Variants in SHISA6 observed in about 807,000 individuals in gnomAD.
The protein encoded by SHISA6 is shisa family member 6.
In SHISA6, 22 loss-of-function variants were observed where a neutral mutation model predicts 47.9. The observed-to-expected ratio is 0.46, with a 90% CI of 0.33 to 0.66. The LOEUF is 0.66. SHISA6 is among the 30% of genes least tolerant of loss of function. SHISA6 has a pLI of 0.02. For missense variants in SHISA6, 680 were observed against 764.6 expected (o/e 0.89, Z 1.30); for synonymous variants, 388 against 337.8 (o/e 1.15, Z -1.63).
In SHISA6 at chr17:11,532,501, G is replaced by A. The variant is rs138921627; in HGVS notation, c.896-19395G>A. Among the ~76,000 whole-genome samples, 69 of 152,292 alleles carry A rather than the reference G, an allele frequency of 4.5e-4. No individual in the cohort carries two copies. In the East Asian group the frequency reaches 0.011, roughly 24 times the overall value. ...TGCGCGCGCGTGTGTGTGTGTGCGC[G>A]CACGCGCGTATGTGTGTAAATGCCT... On this transcript the variant is annotated intron_variant, in intron 3 of 5. Coordinates refer to ENST00000441885, the MANE Select transcript of SHISA6 (RefSeq NM_207386.4).
intron 2 of SHISA6, among the ~76,000 whole-genome samples, chr17:11,358,330 T>G (rs936074692): frequency 2.0e-5 from 3 of 152,132 alleles, no homozygotes; most frequent in Non-Finnish European, 4.4e-5. Flanking sequence ...AGTAATGCCA[T>G]TAAGTTTCAT....
chr17:11,374,661 C>A (rs1214845362), intron 2 of SHISA6, among the ~76,000 whole-genome samples: 2 of 151,824 alleles, frequency 1.3e-5, no homozygotes, highest in African/African-American at 2.4e-5. Flanking sequence ...GGAATGGAAT[C>A]AAAACATCTT....
intron 3 of SHISA6, among the ~76,000 whole-genome samples, chr17:11,420,811 C>T (rs1914432196): frequency 6.6e-6 from 1 of 152,182 alleles, no homozygotes; most frequent in Non-Finnish European, 1.5e-5. Flanking sequence ...AGTCAATTGG[C>T]TAAGATTAGA....
intron 2 of SHISA6, among the ~76,000 whole-genome samples, chr17:11,280,659 G>A (rs189182651): frequency 6.6e-6 from 1 of 152,340 alleles, no homozygotes; most frequent in African/African-American, 2.4e-5. Context: ...ACCTTTAAGG[G>A]TAAATAAGAC....
rs200544561 is a variant in SHISA6, at chr17:11,531,336, CT to C, written c.896-20559del. Among the ~76,000 whole-genome samples the C allele has an allele frequency of 6.9e-3, 1,047 of 151,952 alleles. 7 individuals are homozygous for C. Among genetic ancestry groups the C allele is most frequent in the Non-Finnish European group, 0.011 (721 of 67,980 alleles). ...TTTCTATGATGCCATTGTCCTCCCCCTGATGAGCATTTCAGTTTAAACACAC... is the reference window on the plus strand; with the variant it reads ...TTTCTATGATGCCATTGTCCTCCCCCGATGAGCATTTCAGTTTAAACACAC... On this transcript the variant is annotated intron_variant, in intron 3 of 5. Transcript: ENST00000441885.
intron 3 of SHISA6, among the ~76,000 whole-genome samples, chr17:11,442,189 T>G (rs1260986511): frequency 6.6e-6 from 1 of 152,192 alleles, no homozygotes; most frequent in Non-Finnish European, 1.5e-5. Flanking sequence ...AGTATGGTTG[T>G]CCCTGTTTTG....
At chr17:11,252,405 C>A (rs958905487) in intron 1 of SHISA6, among the ~76,000 whole-genome samples, 2 of 152,192 alleles carry the variant, frequency 1.3e-5, no homozygotes. Context: ...TTCTGGGAAG[C>A]GTGTTTTCCA....
chr17:11,547,411 G>A (rs1480972634), intron 3 of SHISA6, among the ~76,000 whole-genome samples: 1 of 152,138 alleles, frequency 6.6e-6, no homozygotes, highest in African/African-American at 2.4e-5. Context: ...AATGGCAAAA[G>A]TTCAAACAAA....
intron 3 of SHISA6, among the ~76,000 whole-genome samples, chr17:11,535,076 G>A (rs3095682): frequency 0.4 from 60,146 of 151,936 alleles, 12,213 homozygotes; most frequent in East Asian, 0.58. Context: ...TGCGGTGAGG[G>A]TGAGCCAAGA....
At chr17:11,243,042 G>C (rs959523917) in intron 1 of SHISA6, among the ~76,000 whole-genome samples, 4 of 151,990 alleles carry the variant, frequency 2.6e-5, no homozygotes, top group East Asian at 2.0e-4. Flanking sequence ...AACAAACCCT[G>C]CCCCGGGAGA....
chr17:11,519,763 G>A (rs1177195092), intron 3 of SHISA6, among the ~76,000 whole-genome samples: 7 of 151,902 alleles, frequency 4.6e-5, no homozygotes, highest in Admixed American at 1.3e-4. Flanking sequence ...CCTCCCCCAC[G>A]CCAACAAGCC....
chr17:11,520,118 C>T (rs1043552131), intron 3 of SHISA6, among the ~76,000 whole-genome samples: 1 of 152,154 alleles, frequency 6.6e-6, no homozygotes, highest in East Asian at 1.9e-4. Context: ...TCTCGAGCCT[C>T]GACTTTTTCT....
At chr17:11,426,678 T>C (rs1219874222) in intron 3 of SHISA6, among the ~76,000 whole-genome samples, 1 of 152,210 alleles carries the variant, frequency 6.6e-6, no homozygotes, top group East Asian at 1.9e-4. Context: ...TAGATAAACA[T>C]CTTAATAAAT....
intron 3 of SHISA6, among the ~76,000 whole-genome samples, chr17:11,487,711 T>C (rs1916386913): frequency 6.6e-6 from 1 of 152,160 alleles, no homozygotes; most frequent in Non-Finnish European, 1.5e-5. Context: ...CCAGGACCCT[T>C]TTGTAAATAT....
intron 3 of SHISA6, among the ~76,000 whole-genome samples, chr17:11,414,064 T>A (rs1263592220): frequency 6.6e-6 from 1 of 151,050 alleles, no homozygotes; most frequent in Non-Finnish European, 1.5e-5. Context: ...CAGTTCCTCT[T>A]CCTCCCCTCT....
rs1225710030 is a variant in SHISA6 at position 11,557,881 on chromosome 17, C to G, written c.1233C>G (p.Arg411=). The G allele has an allele frequency of 6.4e-7, 1 of 1,551,564 alleles. No homozygotes were observed. The highest frequency in any genetic ancestry group is 8.7e-7 in the Non-Finnish European group (1 of 1,147,014). The change falls in exon 6 of 6, where the codon CGC becomes CGG. Residue 411 remains arginine, a synonymous_variant. Coordinates refer to ENST00000441885, the MANE Select transcript of SHISA6 (RefSeq NM_207386.4). Reference sequence around the variant, plus strand: ...AGCCGTTGCCAAGGGAACGACCCCGCCGGCCCATCCGGGCCATGTCCCAGG... The same window carrying G: ...AGCCGTTGCCAAGGGAACGACCCCGGCGGCCCATCCGGGCCATGTCCCAGG... ...QQKPLPRERP[R]RPIRAMSQDR...
At position 11,335,545 on chromosome 17, in the gene SHISA6, A is replaced by G. The variant is rs1461009041; in HGVS notation, c.800-43869A>G. Among the ~76,000 whole-genome samples the G allele has an allele frequency of 3.3e-5, 5 of 152,154 alleles. No homozygotes were observed. The East Asian group carries it at 5.8e-4, about 18-fold the overall frequency. On this transcript the variant is annotated intron_variant, in intron 2 of 5. Transcript: ENST00000441885. ...GGCCACCCCTGAGAATCATTGTTCA[A>G]TTAAAGTTCCTCTTGAGTAGTGCAG...
intron 3 of SHISA6, among the ~76,000 whole-genome samples, chr17:11,422,648 G>T (rs975113539): frequency 6.6e-6 from 1 of 151,888 alleles, no homozygotes; most frequent in Non-Finnish European, 1.5e-5. Flanking sequence ...TGTAGTCCCA[G>T]CTACGCAAGA....
chr17:11,382,986 G>A (rs999771694), intron 3 of SHISA6, among the ~76,000 whole-genome samples: 2 of 137,990 alleles, frequency 1.4e-5, no homozygotes, highest in Non-Finnish European at 3.1e-5. Context: ...ACCTAAGGCT[G>A]GAGTGCAGTG....
Sources: allele counts gnomAD v4.1 joint callset (sites outside exome capture counted in the v4.1 genomes callset), GRCh38; gene constraint gnomAD v4.1.1; transcripts MANE v1.5; gene names NCBI Gene and HGNC (gene_info 2026-07-23, HGNC 2026-07-21).